EPB41L1: variants seen among roughly 807,000 people sequenced by gnomAD.
EPB41L1 encodes the protein band 4.1-like protein 1.
Under a neutral mutation model 97.8 loss-of-function variants are expected in EPB41L1, and 29 were observed. The ratio of observed to expected loss-of-function variants is 0.30; its 90% CI spans 0.22 to 0.40. The LOEUF (loss-of-function observed/expected upper bound fraction) is 0.40. EPB41L1 is among the 10% of genes least tolerant of loss of function. EPB41L1 has a pLI of 1.00. For missense variants in EPB41L1, 812 were observed against 1,162.3 expected (o/e 0.70, Z 4.38); for synonymous variants, 383 against 459.2 (o/e 0.83, Z 2.12).
At chr20:36,216,658 T>C (rs562702483) in intron 17 of EPB41L1, among the ~76,000 whole-genome samples, 8 of 152,280 alleles carry the variant, frequency 5.3e-5, no homozygotes, top group Admixed American at 2.0e-4. Flanking sequence ...ACACCCATGA[T>C]GTGTATAGTT....
chr20:36,135,122 C>A (rs934026934), intron 2 of EPB41L1, among the ~76,000 whole-genome samples: 6 of 152,128 alleles, frequency 3.9e-5, no homozygotes, highest in African/African-American at 1.4e-4. Flanking sequence ...CTCGGCCTCC[C>A]AAAGTGCTGG....
At chr20:36,176,142 C>G (rs765190159) in intron 3 of EPB41L1, among the ~76,000 whole-genome samples, 32 of 152,196 alleles carry the variant, frequency 2.1e-4, no homozygotes, top group Non-Finnish European at 5.9e-5. Context: ...AGGGCACCAT[C>G]TCAAGTCTCC....
At chr20:36,168,405 C>A (rs1279775151) in intron 1 of EPB41L1, among the ~76,000 whole-genome samples, 2 of 152,164 alleles carry the variant, frequency 1.3e-5, no homozygotes, top group African/African-American at 2.4e-5. Flanking sequence ...ATCTCTTTTT[C>A]CATTTGTTGT....
chr20:36,186,375 A>G (rs1212658183), intron 7 of EPB41L1, among the ~76,000 whole-genome samples: 1 of 152,142 alleles, frequency 6.6e-6, no homozygotes, highest in African/African-American at 2.4e-5. Context: ...TCTCATTACT[A>G]TTGAGGATGG....
intron 1 of EPB41L1, among the ~76,000 whole-genome samples, chr20:36,103,853 C>T (rs2058101958): frequency 6.6e-6 from 1 of 151,950 alleles, no homozygotes; most frequent in African/African-American, 2.4e-5. Flanking sequence ...CAGGCGCCCG[C>T]CACCATGCCT....
intron 21 of EPB41L1, among the ~76,000 whole-genome samples, chr20:36,224,569 C>T (rs1302704722): frequency 2.0e-5 from 3 of 152,170 alleles, no homozygotes; most frequent in Non-Finnish European, 4.4e-5. Flanking sequence ...TTGCCTTAAC[C>T]TAGGAGGCGG....
upstream of EPB41L1, among the ~76,000 whole-genome samples, chr20:36,153,791 G>A (rs2060156896): frequency 6.6e-6 from 1 of 152,162 alleles, no homozygotes; most frequent in Non-Finnish European, 1.5e-5. Context: ...GTCCTCTGTG[G>A]CTTGAGGTCC....
chr20:36,173,296 G>A (rs995188783), intron 1 of EPB41L1, among the ~76,000 whole-genome samples: 2 of 152,342 alleles, frequency 1.3e-5, no homozygotes, highest in Non-Finnish European at 2.9e-5. Context: ...GTATGAAGAG[G>A]TGTGTCCAGC....
chr20:36,213,331 G>A (rs921394876), intron 16 of EPB41L1, among the ~76,000 whole-genome samples: 3 of 152,262 alleles, frequency 2.0e-5, no homozygotes, highest in Middle Eastern at 3.4e-3. Context: ...CCAGGAGGTC[G>A]AAGCTGCAGT....
At chr20:36,226,611 A>G (rs143968174) in intron 21 of EPB41L1, among the ~76,000 whole-genome samples, 2 of 152,330 alleles carry the variant, frequency 1.3e-5, no homozygotes, top group African/African-American at 4.8e-5. Flanking sequence ...GGCTACCAAG[A>G]TCATCCATGC....
At chr20:36,175,435 G>T in intron 2 of EPB41L1, 116 bp from the exon 3 acceptor site, 1 of 1,273,564 alleles carries the variant, frequency 7.9e-7, no homozygotes, top group African/African-American at 1.5e-5. Flanking sequence ...AGACGGTAGC[G>T]ACTTTCATTC....
chr20:36,124,306 A>G (rs1000298959), intron 2 of EPB41L1, among the ~76,000 whole-genome samples: 1 of 152,140 alleles, frequency 6.6e-6, no homozygotes, highest in Non-Finnish European at 1.5e-5. Flanking sequence ...AAATCTGACT[A>G]TGTCACTCAG....
chr20:36,212,396 G>A lies in EPB41L1; in HGVS notation c.2184+20G>A. 3 of 1,606,284 alleles carry A rather than the reference G, an allele frequency of 1.9e-6. No individual in the cohort carries two copies. The highest frequency in any genetic ancestry group is 1.3e-5 in the African/African-American group (1 of 74,862). ...ACCCAGGTAACTTGTGCCTTCCAATGTACCCTAAGCATGGGTATTGGGCAT... is the reference window on the plus strand; with the variant it reads ...ACCCAGGTAACTTGTGCCTTCCAATATACCCTAAGCATGGGTATTGGGCAT... On this transcript the variant is annotated intron_variant, in intron 16 of 21. Coordinates refer to ENST00000338074, the MANE Select transcript of EPB41L1 (RefSeq NM_012156.2). This position sits in a 1 kb window ranked among gnomAD's most constrained non-coding sequence, Gnocchi z 4.8.
intron 14 of EPB41L1, among the ~76,000 whole-genome samples, chr20:36,201,761 C>T (rs1461372212): frequency 6.6e-6 from 1 of 152,116 alleles, no homozygotes; most frequent in African/African-American, 2.4e-5. Context: ...AGAATCCAGG[C>T]CCAGGCAGGA....
At chr20:36,130,780 T>A (rs898899839) in intron 2 of EPB41L1, among the ~76,000 whole-genome samples, 3 of 149,248 alleles carry the variant, frequency 2.0e-5, no homozygotes, top group Non-Finnish European at 3.0e-5. Flanking sequence ...ATTTGATTTT[T>A]AAAAATTTCT....
intron 2 of EPB41L1, among the ~76,000 whole-genome samples, chr20:36,143,512 A>G (rs983755091): frequency 6.6e-6 from 1 of 152,306 alleles, no homozygotes; most frequent in Non-Finnish European, 1.5e-5. Context: ...GAAGTCTTTA[A>G]TGTAGGGTTC....
chr20:36,155,138 G>T (rs1184591427), intron 1 of EPB41L1: 1 of 464,552 alleles, frequency 2.2e-6, no homozygotes, highest in Admixed American at 2.3e-5. Flanking sequence ...TCCTGCTGTA[G>T]GATGAGCGGT....
In EPB41L1 at chr20:36,214,993, C is replaced by A. The variant is rs371180107; in HGVS notation, c.2268+553C>A. Among the ~76,000 whole-genome samples the A allele has an allele frequency of 3.0e-4, 45 of 151,198 alleles. 1 individual carries two copies. Among genetic ancestry groups the A allele is most frequent in the East Asian group, 2.1e-3 (11 of 5,174 alleles). On this transcript the variant is annotated intron_variant, in intron 17 of 21. Transcript: ENST00000338074. ...AAGGAAGGCCCTTGGCCTGAGGTGT[C>A]CTCATCTGCAAAATGGCAATAATCC...
At chr20:36,113,506 G>A (rs767496389) in intron 2 of EPB41L1, among the ~76,000 whole-genome samples, 1 of 151,644 alleles carries the variant, frequency 6.6e-6, no homozygotes, top group African/African-American at 2.4e-5. Flanking sequence ...AATGAAGTGT[G>A]GCTGAGCCAG....
Sources: gnomAD v4.1 joint callset for allele counts (sites outside exome capture counted in the v4.1 genomes callset) on GRCh38, gnomAD v4.1.1 for gene constraint, Gnocchi (gnomAD v3.1) non-coding constraint, MANE v1.5 for transcripts, NCBI Gene and HGNC (gene_info 2026-07-23, HGNC 2026-07-21) for gene names.